Variants in IL34 observed in about 807,000 individuals in gnomAD.
IL34 encodes interleukin 34.
A neutral mutation model predicts 25.3 loss-of-function variants in IL34; 17 were observed. That is an observed-to-expected ratio of 0.67 (90% CI 0.46 to 1.01). The LOEUF (loss-of-function observed/expected upper bound fraction) is 1.01. IL34 is among the 50% of genes least tolerant of loss of function. IL34 has a pLI of 0.00. For missense variants in IL34, 368 were observed against 312.9 expected (o/e 1.18, Z -1.33); for synonymous variants, 174 against 140.9 (o/e 1.23, Z -1.66).
At chr16:70,629,554 A>G (rs780497959) in intron 1 of IL34, among the ~76,000 whole-genome samples, 14 of 152,170 alleles carry the variant, frequency 9.2e-5, no homozygotes, top group Non-Finnish European at 1.3e-4. Flanking sequence ...TGTAATTAAA[A>G]TTATCTCTAA....
intron 1 of IL34, among the ~76,000 whole-genome samples, chr16:70,625,344 G>T (rs561939424): frequency 2.0e-5 from 3 of 151,996 alleles, no homozygotes; most frequent in African/African-American, 4.8e-5. Context: ...GGGGGTCGGG[G>T]CATGGAAATA....
intron 1 of IL34, among the ~76,000 whole-genome samples, chr16:70,603,660 T>A (rs2050954583): frequency 1.3e-5 from 2 of 152,118 alleles, no homozygotes; most frequent in South Asian, 4.1e-4. Flanking sequence ...GTAGCCTCAA[T>A]GTCCTGGGCT....
intron 1 of IL34, among the ~76,000 whole-genome samples, chr16:70,628,605 G>T (rs1175359022): frequency 5.3e-5 from 8 of 151,416 alleles, no homozygotes; most frequent in East Asian, 1.9e-4. Flanking sequence ...TCCTACCTCA[G>T]CCTCCCAAGC....
In IL34 at chr16:70,595,608, G is replaced by A. The variant is rs1008059498; in HGVS notation, c.-401+15559G>A. Among the ~76,000 whole-genome samples the A allele has an allele frequency of 7.9e-5, 12 of 152,192 alleles. 1 individual carries two copies. The highest frequency in any genetic ancestry group is 1.9e-4 in the East Asian group (1 of 5,168). On this transcript the variant is annotated intron_variant, in intron 1 of 6. Coordinates refer to the IL34 transcript ENST00000429149. ...GCTGGGATTACAGACATGAGCCACTGCGCCAGGGCTCCTCTCTCATTTTGT... is the reference window on the plus strand; with the variant it reads ...GCTGGGATTACAGACATGAGCCACTACGCCAGGGCTCCTCTCTCATTTTGT...
chr16:70,644,974 GAAA>G, upstream of IL34, among the ~76,000 whole-genome samples: 2 of 133,798 alleles, frequency 1.5e-5, no homozygotes, highest in Admixed American at 7.1e-5. Flanking sequence ...AGGAGGAAGA[GAAA>G]GGGAGTAGGA....
chr16:70,593,541 A>AG (rs1460203428), intron 1 of IL34, among the ~76,000 whole-genome samples: 1 of 152,114 alleles, frequency 6.6e-6, no homozygotes, highest in Non-Finnish European at 1.5e-5. Context: ...TTTTTGAGAC[A>AG]GGATCTCACT....
intron 1 of IL34, among the ~76,000 whole-genome samples, chr16:70,652,514 A>G (rs2052106051): frequency 2.0e-5 from 3 of 152,216 alleles, no homozygotes; most frequent in South Asian, 4.1e-4. Flanking sequence ...TGCTATGAAC[A>G]CAGATAGTGT....
chr16:70,651,678 G>A (rs1224092067), intron 1 of IL34, among the ~76,000 whole-genome samples: 1 of 152,068 alleles, frequency 6.6e-6, no homozygotes, highest in South Asian at 2.1e-4. Flanking sequence ...AAGATGCTGG[G>A]GAGTGGGGAA....
intron 1 of IL34, among the ~76,000 whole-genome samples, chr16:70,620,639 G>T (rs1479285551): frequency 6.6e-6 from 1 of 152,208 alleles, no homozygotes; most frequent in Non-Finnish European, 1.5e-5. Flanking sequence ...ATTGGGCACA[G>T]AGACTAGGAA....
intron 1 of IL34, among the ~76,000 whole-genome samples, chr16:70,602,795 C>G (rs1222890042): frequency 6.6e-6 from 1 of 152,072 alleles, no homozygotes; most frequent in East Asian, 1.9e-4. Flanking sequence ...CTGCTTCAGT[C>G]TCCCATGTGG....
intron 1 of IL34, among the ~76,000 whole-genome samples, chr16:70,604,111 G>A (rs973179298): frequency 6.6e-6 from 1 of 152,220 alleles, no homozygotes; most frequent in African/African-American, 2.4e-5. Context: ...TTTAATTACA[G>A]TTGCCCATCG....
rs1286722748 is a variant in IL34, at chr16:70,660,125, C to G, written c.667C>G (p.Pro223Ala). Residue 223 changes from proline (P) to alanine (A), a missense_variant, in exon 6 of 6, where the codon CCG (proline) becomes GCG (alanine). By Grantham distance (27) the Pro-to-Ala change is conservative. Transcript: ENST00000288098. ...TCCGCCCCCGTGGTCCCCCAGCTCC[C>G]CGCCTCACTCCACGGGCTCGGTGAG... ...YPPPPWSPSS[P>A]PHSTGSVRPV... The G allele has an allele frequency of 1.2e-6, 2 of 1,612,720 alleles. No homozygotes were observed. Among genetic ancestry groups the G allele is most frequent in the Non-Finnish European group, 1.7e-6 (2 of 1,179,582 alleles).
rs764258011 is a variant in IL34, at chr16:70,659,667, C to T, written c.452C>T (p.Ala151Val). The T allele has an allele frequency of 2.5e-6, 4 of 1,613,154 alleles. No individual in the cohort carries two copies. The highest frequency in any genetic ancestry group is 4.5e-5 in the East Asian group (2 of 44,876). ...GAATCCGTGTTGTCCCTCTTGAATG[C>T]CCCAGGGCCAAACCTGAAGCTGGTG... Reference protein sequence around the residue: ...KVESVLSLLNAPGPNLKLVRP... With the variant: ...KVESVLSLLNVPGPNLKLVRP... Residue 151 changes from alanine to valine, a missense_variant, in exon 5 of 6, where the codon GCC becomes GTC. Ala to Val is a moderately conservative substitution (Grantham distance 64). Coordinates refer to ENST00000288098, the MANE Select transcript of IL34 (RefSeq NM_001393494.1).
At chr16:70,639,202 G>T (rs1425072544) in intron 1 of IL34, among the ~76,000 whole-genome samples, 1 of 152,224 alleles carries the variant, frequency 6.6e-6, no homozygotes, top group Non-Finnish European at 1.5e-5. Flanking sequence ...GTACAGCCCG[G>T]ATCCAGGAGT....
chr16:70,607,274 T>C (rs1484451533), intron 1 of IL34, among the ~76,000 whole-genome samples: 3 of 152,076 alleles, frequency 2.0e-5, no homozygotes, highest in Admixed American at 2.0e-4. Context: ...GCTAATTTTT[T>C]TGTATTTTTT....
Position 70,660,172 on chromosome 16 carries a change from G to C in IL34, c.714G>C (p.Glu238Asp). ...GSVRPVRAQG[E>D]GLLP is the part of the protein sequence containing the mutation. ...TGAGGCCGGTCAGGGCACAGGGCGA[G>C]GGCCTCTTGCCCTGAGCACCCTGGA... The change falls in exon 6 of 6, where the codon GAG becomes GAC. Residue 238 changes from glutamate to aspartate, a missense_variant. Physicochemically the swap from Glu to Asp is conservative, Grantham distance 45 (BLOSUM62 2). Transcript: ENST00000288098. The C allele has an allele frequency of 1.9e-6, 3 of 1,593,054 alleles. No homozygotes were observed. Among genetic ancestry groups the C allele is most frequent in the South Asian group, 1.1e-5 (1 of 87,598 alleles).
intron 3 of IL34, 92 bp from the exon 4 acceptor site, chr16:70,656,868 C>G: frequency 7.1e-7 from 1 of 1,407,766 alleles, no homozygotes; most frequent in Non-Finnish European, 9.9e-7. Flanking sequence ...CCCGCGTCTG[C>G]TCCCTATGCA....
At chr16:70,610,350 C>T (rs900656457) in intron 1 of IL34, among the ~76,000 whole-genome samples, 3 of 152,154 alleles carry the variant, frequency 2.0e-5, no homozygotes, top group African/African-American at 7.2e-5. Context: ...TTTCCTCCAG[C>T]GTCTGGGAGT....
chr16:70,588,922 A>G (rs1044975280), intron 1 of IL34, among the ~76,000 whole-genome samples: 2 of 152,182 alleles, frequency 1.3e-5, no homozygotes, highest in Non-Finnish European at 2.9e-5. Context: ...GGAGGAATGG[A>G]TATAAAGTTT....
Sources: gnomAD v4.1 joint callset for allele counts (sites outside exome capture counted in the v4.1 genomes callset) on GRCh38, gnomAD v4.1.1 for gene constraint, MANE v1.5 for transcripts, NCBI Gene and HGNC (gene_info 2026-07-23, HGNC 2026-07-21) for gene names.